Variants in ITGB5 observed in about 807,000 individuals in gnomAD.
ITGB5 encodes integrin beta-5.
ITGB5 carries 38 observed loss-of-function variants against 84.8 expected under a neutral mutation model. The observed-to-expected ratio is 0.45, with a 90% confidence interval of 0.35 to 0.59. The LOEUF is 0.59. Ranked by LOEUF, ITGB5 falls within the 20% of genes least tolerant of loss-of-function variation. ITGB5 has a pLI of 0.01. For missense variants in ITGB5, 905 were observed against 1,034.5 expected, an observed-to-expected ratio of 0.87 and a Z score of 1.72; for synonymous variants, 393 against 414.4, an observed-to-expected ratio of 0.95 and a Z score of 0.63.
intron 10 of ITGB5, chr3:124,780,738 C>T (rs909802677): frequency 1.3e-5 from 2 of 148,670 alleles, no homozygotes; most frequent in African/African-American, 2.5e-5. Context: ...CCACTTTCCT[C>T]ACATCCCCCA....
chr3:124,898,342 C>A (rs1383117048), intron 1 of ITGB5, among the ~76,000 whole-genome samples: 2 of 151,612 alleles, frequency 1.3e-5, no homozygotes, highest in Non-Finnish European at 1.5e-5. Flanking sequence ...TAAGTTAATT[C>A]TCTTCATTAA....
intron 9 of ITGB5, among the ~76,000 whole-genome samples, chr3:124,804,153 T>C (rs1021453996): frequency 3.3e-5 from 5 of 152,370 alleles, no homozygotes; most frequent in African/African-American, 1.2e-4. Flanking sequence ...ATCTTTCTGC[T>C]GACAAACATT....
intron 10 of ITGB5, chr3:124,790,978 C>T (rs1485023528): frequency 6.6e-6 from 1 of 152,174 alleles, no homozygotes; most frequent in African/African-American, 2.4e-5. Context: ...TCAATGTACT[C>T]CAGTGCAGTC....
At chr3:124,882,524 C>T (rs575389564) in intron 1 of ITGB5, among the ~76,000 whole-genome samples, 7 of 152,134 alleles carry the variant, frequency 4.6e-5, no homozygotes, top group Middle Eastern at 6.8e-3. Context: ...ATGGCTGGCA[C>T]GCTGAAGGGA....
intron 9 of ITGB5, among the ~76,000 whole-genome samples, chr3:124,799,276 G>A (rs572243370): frequency 1.1e-4 from 16 of 152,322 alleles, no homozygotes; most frequent in African/African-American, 2.9e-4. Context: ...TAGGATGGGC[G>A]TAGTGGCTCA....
intron 2 of ITGB5, among the ~76,000 whole-genome samples, chr3:124,861,814 C>A (rs1270700883): frequency 1.3e-5 from 2 of 152,182 alleles, no homozygotes; most frequent in Admixed American, 6.5e-5. Flanking sequence ...CCCGCCTCGG[C>A]CTCCCAAAAT....
intron 10 of ITGB5, among the ~76,000 whole-genome samples, chr3:124,783,234 T>TG (rs148008260): frequency 0.023 from 3,089 of 132,904 alleles, 121 homozygotes; most frequent in African/African-American, 0.084. Context: ...GAGGTTGCAA[T>TG]GGGCCAAGAT....
intron 2 of ITGB5, among the ~76,000 whole-genome samples, chr3:124,872,803 C>T (rs1024598363): frequency 1.3e-5 from 2 of 152,048 alleles, no homozygotes; most frequent in African/African-American, 2.4e-5. Flanking sequence ...GATAGAATCT[C>T]GCTATGTTGT....
chr3:124,899,209 C>T (rs919788048), intron 1 of ITGB5, among the ~76,000 whole-genome samples: 3 of 152,104 alleles, frequency 2.0e-5, no homozygotes, highest in Admixed American at 6.5e-5. Context: ...TTTCATATTC[C>T]AGGACACGCT....
At chr3:124,766,433 A>C in intron 12 of ITGB5, 88 bp from the exon 13 acceptor site, 2 of 1,517,232 alleles carry the variant, frequency 1.3e-6, no homozygotes, top group South Asian at 2.5e-5. Flanking sequence ...AGTGCCTTGA[A>C]AAAGGAAAGG....
chr3:124,764,687 C>T, intron 13 of ITGB5, 130 bp from the exon 14 acceptor site: 1 of 804,792 alleles, frequency 1.2e-6, no homozygotes, highest in Non-Finnish European at 1.9e-6. Context: ...CCCTTAGATC[C>T]TCAGGAGGGT....
intron 9 of ITGB5, among the ~76,000 whole-genome samples, chr3:124,807,213 C>T (rs1256923158): frequency 6.6e-6 from 1 of 152,140 alleles, no homozygotes; most frequent in African/African-American, 2.4e-5. Context: ...CCCAGAAGTT[C>T]AAGACCAGCC....
At chr3:124,769,177 G>C in intron 11 of ITGB5, 64 bp from the exon 12 acceptor site, 1 of 1,344,000 alleles carries the variant, frequency 7.4e-7, no homozygotes. Flanking sequence ...ACCTGTCCCT[G>C]AGCTCCTGAC....
chr3:124,800,497 C>T (rs964583502), intron 9 of ITGB5, among the ~76,000 whole-genome samples: 3 of 152,000 alleles, frequency 2.0e-5, no homozygotes, highest in Non-Finnish European at 4.4e-5. Flanking sequence ...CCCAGCTGGG[C>T]AAGCAAGGAG....
intron 1 of ITGB5, among the ~76,000 whole-genome samples, chr3:124,878,971 C>A (rs1579335233): frequency 6.6e-6 from 1 of 152,240 alleles, no homozygotes; most frequent in Admixed American, 6.5e-5. Flanking sequence ...CCATGTATCT[C>A]TTTTGCCTCA....
At chr3:124,821,880 T>TG (rs1022357339) in intron 5 of ITGB5, among the ~76,000 whole-genome samples, 10 of 132,392 alleles carry the variant, frequency 7.6e-5, no homozygotes, top group Non-Finnish European at 1.1e-4. Context: ...CAACATCCCC[T>TG]GGTTGGCTGG....
intron 9 of ITGB5, among the ~76,000 whole-genome samples, chr3:124,808,310 C>T (rs2064441999): frequency 6.6e-6 from 1 of 152,198 alleles, no homozygotes; most frequent in African/African-American, 2.4e-5. Flanking sequence ...GACCTGTCAA[C>T]AAAGCAAGTC....
At chr3:124,802,188 T>C (rs12487905) in intron 9 of ITGB5, among the ~76,000 whole-genome samples, 39,144 of 152,148 alleles carry the variant, frequency 0.26, 5,498 homozygotes, top group African/African-American at 0.34. Context: ...GTGGCCTCAT[T>C]TGTCCATCTT....
At chr3:124,832,613 C>CT (rs1261553620) in intron 5 of ITGB5, among the ~76,000 whole-genome samples, 1 of 152,210 alleles carries the variant, frequency 6.6e-6, no homozygotes, top group East Asian at 1.9e-4. Flanking sequence ...GGAGCCAGTC[C>CT]TTCCACAGAG....
Sources: allele counts gnomAD v4.1 joint callset (sites outside exome capture counted in the v4.1 genomes callset), GRCh38; gene constraint gnomAD v4.1.1; transcripts MANE v1.5; gene names NCBI Gene and HGNC (gene_info 2026-07-23, HGNC 2026-07-21).